The following TRIM9 variants were observed in gnomAD, a reference collection of about 807,000 sequenced individuals.
TRIM9 encodes E3 ubiquitin-protein ligase TRIM9.
A neutral mutation model predicts 78.3 loss-of-function variants in TRIM9; 26 were observed. That is an observed-to-expected ratio of 0.33 (90% CI 0.24 to 0.46). The LOEUF is 0.46. TRIM9 is among the 20% of genes least tolerant of loss of function. The pLI is 1.00. For synonymous variants in TRIM9, 398 were observed against 416.5 expected, an observed-to-expected ratio of 0.96 and a Z score of 0.54; for missense variants, 787 against 1,036.4, an observed-to-expected ratio of 0.76 and a Z score of 3.30.
chr14:50,977,396 C>T, intron 12 of TRIM9, 43 bp from the exon 13 acceptor site: 1 of 1,444,316 alleles, frequency 6.9e-7, no homozygotes, highest in Non-Finnish European at 9.2e-7. Flanking sequence ...TCGTGCATCC[C>T]CCTGTCCCTT....
At chr14:51,012,960 T>C (rs2056748830) in intron 3 of TRIM9, among the ~76,000 whole-genome samples, 1 of 152,238 alleles carries the variant, frequency 6.6e-6, no homozygotes, top group African/African-American at 2.4e-5. Flanking sequence ...ATCAGATATA[T>C]GATTTTCAAA....
At chr14:51,066,287 C>T (rs1202924444) in intron 1 of TRIM9, among the ~76,000 whole-genome samples, 5 of 152,188 alleles carry the variant, frequency 3.3e-5, no homozygotes, top group African/African-American at 1.2e-4. Flanking sequence ...GACTTTTCAT[C>T]CCCGTTGCTT....
intron 7 of TRIM9, chr14:50,996,621 C>T (rs2054239879): frequency 1.0e-6 from 1 of 985,344 alleles, no homozygotes; most frequent in Non-Finnish European, 1.2e-6. Context: ...ATGAGGCCAT[C>T]ACCAGCAAGG....
intron 1 of TRIM9, among the ~76,000 whole-genome samples, chr14:51,041,787 A>G (rs780411462): frequency 2.6e-5 from 4 of 151,656 alleles, no homozygotes; most frequent in Non-Finnish European, 5.9e-5. Flanking sequence ...AAAAAATTTT[A>G]AAGCCTAATA....
At chr14:51,037,066 T>C (rs2059215042) in intron 1 of TRIM9, among the ~76,000 whole-genome samples, 1 of 152,196 alleles carries the variant, frequency 6.6e-6, no homozygotes, top group Non-Finnish European at 1.5e-5. Context: ...TTTCATCCCA[T>C]GTAAACCAAG....
rs759720055 is a variant in TRIM9, at chr14:51,094,177, C to T, written c.763G>A (p.Glu255Lys). 6.2e-7 allele frequency: 1 copy of T among 1,614,244 alleles called. No homozygotes were observed. Among genetic ancestry groups the T allele is most frequent in the Admixed American group, 1.7e-5 (1 of 60,038 alleles). The change falls in exon 1 of 13, where the codon GAG (glutamate) becomes AAG (lysine). Residue 255 changes from glutamate to lysine, a missense_variant. By Grantham distance (56) the Glu-to-Lys change is moderately conservative (BLOSUM62 1). Around this residue, in one of 3 missense-constraint regions of TRIM9, gnomAD observed 352 missense variants for 472.3 expected, o/e 0.75. Transcript: ENST00000684578. ...KMPVCYQCLE[E>K]GKHSSHEVKA... is the part of the protein sequence containing the mutation. The stretch of plus-strand genomic sequence containing the variant: ...ACTTCGTGGCTGGAGTGTTTGCCCT[C>T]CTCCAAGCACTGGTAGCACACGGGC...
intron 1 of TRIM9, among the ~76,000 whole-genome samples, chr14:51,070,117 T>A (rs1194946766): frequency 2.6e-5 from 4 of 152,204 alleles, no homozygotes; most frequent in African/African-American, 9.6e-5. Context: ...TTTTTGGTGG[T>A]GCATTTGCTG....
chr14:51,058,708 G>A (rs760449681), intron 1 of TRIM9, among the ~76,000 whole-genome samples: 2 of 152,140 alleles, frequency 1.3e-5, no homozygotes, highest in African/African-American at 2.4e-5. Flanking sequence ...TGTCTTTTAC[G>A]TGAAAGAAAT....
intron 1 of TRIM9, among the ~76,000 whole-genome samples, chr14:51,068,141 G>A (rs774932047): frequency 1.3e-5 from 2 of 152,108 alleles, no homozygotes; most frequent in Non-Finnish European, 2.9e-5. Flanking sequence ...TTTTTAACAA[G>A]TTCCCAGGTG....
At chr14:51,012,913 G>T (rs1456208384) in intron 3 of TRIM9, among the ~76,000 whole-genome samples, 1 of 152,148 alleles carries the variant, frequency 6.6e-6, no homozygotes, top group African/African-American at 2.4e-5. Flanking sequence ...TTGTTGAGTT[G>T]TAGGAGTTCT....
At chr14:51,030,397 A>G (rs2058624127) in intron 1 of TRIM9, among the ~76,000 whole-genome samples, 1 of 152,206 alleles carries the variant, frequency 6.6e-6, no homozygotes, top group Non-Finnish European at 1.5e-5. Context: ...CCCCAACCCC[A>G]GTTCACTATA....
intron 1 of TRIM9, among the ~76,000 whole-genome samples, chr14:51,059,067 C>T (rs1246076125): frequency 1.3e-5 from 2 of 152,192 alleles, no homozygotes; most frequent in Non-Finnish European, 2.9e-5. Context: ...GCTTAGTCTG[C>T]CAGGCCTATG....
intron 8 of TRIM9, among the ~76,000 whole-genome samples, chr14:50,984,010 G>T (rs906396227): frequency 3.3e-5 from 5 of 152,174 alleles, no homozygotes; most frequent in African/African-American, 7.2e-5. Flanking sequence ...AGGGGAGGAG[G>T]GATGGTAGGA....
chr14:50,977,719 G>A (rs772464435), intron 12 of TRIM9, among the ~76,000 whole-genome samples: 9 of 152,160 alleles, frequency 5.9e-5, no homozygotes, highest in African/African-American at 9.7e-5. Context: ...GGACAGATTC[G>A]CAGAGACAGC....
At chr14:50,977,455 G>A in intron 12 of TRIM9, 102 bp from the exon 13 acceptor site, 2 of 901,014 alleles carry the variant, frequency 2.2e-6, no homozygotes, top group Non-Finnish European at 3.0e-6. Context: ...TGTTCTGTTT[G>A]CTTCGCTTTA....
intron 3 of TRIM9, among the ~76,000 whole-genome samples, chr14:51,011,563 G>A (rs139766969): frequency 3.9e-4 from 59 of 152,166 alleles, no homozygotes; most frequent in African/African-American, 1.4e-3. Flanking sequence ...ATACTACTTT[G>A]CAAAAGCCTA....
intron 7 of TRIM9, among the ~76,000 whole-genome samples, chr14:50,988,547 T>C (rs2053033075): frequency 6.6e-6 from 1 of 151,618 alleles, no homozygotes; most frequent in South Asian, 2.1e-4. Context: ...GGCAAGTTTA[T>C]TTAACATCCA....
At chr14:50,977,961 C>T (rs1159800603) in intron 12 of TRIM9, among the ~76,000 whole-genome samples, 1 of 151,662 alleles carries the variant, frequency 6.6e-6, no homozygotes, top group Admixed American at 6.6e-5. Context: ...ATCAGAAGGT[C>T]CTGAAAACCC....
At chr14:50,985,207 C>T (rs2052533401) in intron 8 of TRIM9, among the ~76,000 whole-genome samples, 1 of 152,198 alleles carries the variant, frequency 6.6e-6, no homozygotes, top group African/African-American at 2.4e-5. Context: ...TGAAATCAGC[C>T]TTAGGCTCTG....
Sources: gnomAD v4.1 joint callset for allele counts (sites outside exome capture counted in the v4.1 genomes callset) on GRCh38, gnomAD v4.1.1 for gene constraint, gnomAD v4.1.1 regional missense constraint, MANE v1.5 for transcripts, NCBI Gene and HGNC (gene_info 2026-07-23, HGNC 2026-07-21) for gene names.